Variants in RASSF6 observed in about 807,000 individuals in gnomAD.
RASSF6 encodes the protein Ras association domain family member 6.
A neutral mutation model predicts 44.0 loss-of-function variants in RASSF6; 52 were observed. That is an observed-to-expected ratio of 1.18 (90% confidence interval 0.95 to 1.49). The LOEUF (loss-of-function observed/expected upper bound fraction) is 1.49, where lower values mean the gene tolerates loss of function less well. Ranked by LOEUF, RASSF6 falls within the 40% of genes most tolerant of loss-of-function variation. The pLI is 0.00. For synonymous variants in RASSF6, 162 were observed against 124.6 expected, an observed-to-expected ratio of 1.30 and a Z score of -2.00; for missense variants, 464 against 393.3, an observed-to-expected ratio of 1.18 and a Z score of -1.52.
chr4:73,615,903 G>A, intron 1 of RASSF6: 1 of 1,550,366 alleles, frequency 6.5e-7, no homozygotes, highest in Non-Finnish European at 8.7e-7. Context: ...GTTGCCTTGT[G>A]ACCAGAATGA....
intron 1 of RASSF6, among the ~76,000 whole-genome samples, chr4:73,617,530 A>C (rs1296468968): frequency 6.6e-6 from 1 of 152,204 alleles, no homozygotes; most frequent in Non-Finnish European, 1.5e-5. Flanking sequence ...GGCTGACGTC[A>C]CAAAGATCAC....
At chr4:73,585,410 C>A in intron 5 of RASSF6, 46 bp from the exon 6 acceptor site, 3 of 1,323,200 alleles carry the variant, frequency 2.3e-6, no homozygotes, top group Non-Finnish European at 3.1e-6. Flanking sequence ...CTGCCTGTGT[C>A]CTAGCATCCT....
chr4:73,606,478 T>C (rs554068667), intron 2 of RASSF6, among the ~76,000 whole-genome samples: 1 of 152,272 alleles, frequency 6.6e-6, no homozygotes, highest in South Asian at 2.1e-4. Context: ...TGCCGACTAC[T>C]GGGATGATGG....
chr4:73,608,788 T>C (rs1725817209), intron 2 of RASSF6, among the ~76,000 whole-genome samples: 1 of 152,366 alleles, frequency 6.6e-6, no homozygotes, highest in East Asian at 1.9e-4. Flanking sequence ...GGGCATGCAG[T>C]GTTTGCTCCT....
chr4:73,603,508 T>C (rs1456703958), intron 2 of RASSF6, among the ~76,000 whole-genome samples: 2 of 151,740 alleles, frequency 1.3e-5, no homozygotes, highest in African/African-American at 2.4e-5. Context: ...GCTGAGGGGA[T>C]CCCAGGGTCC....
intron 6 of RASSF6, among the ~76,000 whole-genome samples, chr4:73,583,314 G>A (rs918047597): frequency 2.6e-5 from 4 of 152,108 alleles, no homozygotes; most frequent in African/African-American, 9.7e-5. Flanking sequence ...TAGTGAATTT[G>A]TTTTTCAGAG....
intron 5 of RASSF6, among the ~76,000 whole-genome samples, 163 bp downstream of exon 5, chr4:73,587,677 T>G (rs1009031072): frequency 2.6e-5 from 4 of 151,954 alleles, no homozygotes; most frequent in Non-Finnish European, 5.9e-5. Context: ...TATAGTGACT[T>G]AAGTTACTAT....
chr4:73,572,518 C>G lies in RASSF6; in HGVS notation c.*3717G>C, dbSNP rs1722972521. 1 of 151,950 alleles carries G rather than the reference C, an allele frequency of 6.6e-6. No homozygotes were observed. The highest frequency in any genetic ancestry group is 1.5e-5 in the Non-Finnish European group (1 of 67,996). 9.4% of individuals were successfully genotyped at this position (151,950 alleles called of 1,614,324 possible). ...TAATATTGTACCCCATAAATACATA[C>G]AATTATTATTTGTCAATTAAAAATA... is the stretch of plus-strand genomic sequence containing the variant. On this transcript the variant is annotated 3_prime_UTR_variant, in exon 11 of 11. Transcript: ENST00000307439.
At chr4:73,590,518 A>C (rs1578035312) in intron 4 of RASSF6, among the ~76,000 whole-genome samples, 1 of 152,202 alleles carries the variant, frequency 6.6e-6, no homozygotes, top group African/African-American at 2.4e-5. Context: ...ATTAAAATAG[A>C]TGTTATCTTA....
intron 2 of RASSF6, among the ~76,000 whole-genome samples, chr4:73,607,819 T>A (rs991604091): frequency 1.1e-4 from 17 of 151,464 alleles, no homozygotes; most frequent in South Asian, 6.3e-4. Flanking sequence ...AGCTACCTCC[T>A]CTCCTCTCCT....
At chr4:73,613,170 T>G (rs1729715) in intron 1 of RASSF6, among the ~76,000 whole-genome samples, 150,172 of 152,268 alleles carry the variant, frequency 0.99, 74,080 homozygotes, top group East Asian at 1. Flanking sequence ...CTCAAAGAAT[T>G]GTGCTTCTCT....
intron 1 of RASSF6, among the ~76,000 whole-genome samples, chr4:73,617,986 C>T (rs993497410): frequency 6.6e-6 from 1 of 152,072 alleles, no homozygotes; most frequent in African/African-American, 2.4e-5. Flanking sequence ...GGACTGTCAG[C>T]ATTGGGTTTC....
rs186643995 is a variant in RASSF6, at chr4:73,585,101, T to G, written c.567+79A>C. The G allele has an allele frequency of 1.8e-5, 17 of 967,600 alleles. No individual in the cohort carries two copies. The East Asian group carries it at 4.2e-4, about 24-fold the overall frequency. 59.9% of individuals were successfully genotyped at this position (967,600 alleles called of 1,614,324 possible). Reference sequence around the variant, plus strand: ...CTGTTATTATTATGACTTTAAATTGTGAATTGAATTGGGTGGTATTGTTAG... The same window carrying G: ...CTGTTATTATTATGACTTTAAATTGGGAATTGAATTGGGTGGTATTGTTAG... On this transcript the variant is annotated intron_variant, in intron 6 of 10. Transcript: ENST00000307439.
chr4:73,583,295 G>T (rs1247517047), intron 6 of RASSF6, among the ~76,000 whole-genome samples: 7 of 152,088 alleles, frequency 4.6e-5, no homozygotes. Context: ...CTTCTAAAAT[G>T]TCAACATATA....
At chr4:73,581,652 A>C (rs975898802) in intron 8 of RASSF6, among the ~76,000 whole-genome samples, 165 bp downstream of exon 8, 1 of 152,132 alleles carries the variant, frequency 6.6e-6, no homozygotes, top group Admixed American at 6.6e-5. Context: ...TCTTTCTTTA[A>C]AATTGTGGAC....
Position 73,581,178 on chromosome 4 carries a change from G to C in RASSF6, c.721+639C>G, listed in dbSNP as rs116034466. On this transcript the variant is annotated intron_variant, in intron 8 of 10. Coordinates refer to ENST00000307439, the MANE Select transcript of RASSF6 (RefSeq NM_177532.5). ...TGAACATTCTGACACTTAAATTATA[G>C]CATGAGTTTTTTCTACAAATTGATA... Among the ~76,000 whole-genome samples, 422 of 152,072 alleles carry C rather than the reference G, an allele frequency of 2.8e-3. 2 individuals carry two copies. Among genetic ancestry groups the C allele is most frequent in the African/African-American group, 9.9e-3 (412 of 41,494 alleles).
At chr4:73,612,036 A>T (rs1165811547) in intron 1 of RASSF6, among the ~76,000 whole-genome samples, 1 of 152,202 alleles carries the variant, frequency 6.6e-6, no homozygotes, top group Non-Finnish European at 1.5e-5. Flanking sequence ...ACACGGATGG[A>T]TTGAACAATT....
rs750789200 is a variant in RASSF6, at chr4:73,593,608, A to G, written c.145-15T>C. 5 of 1,609,394 alleles carry G rather than the reference A, an allele frequency of 3.1e-6. No homozygotes were observed. Among genetic ancestry groups the G allele is most frequent in the Non-Finnish European group, 2.5e-6 (3 of 1,177,804 alleles). On this transcript the variant is annotated splice_polypyrimidine_tract_variant and intron_variant, in intron 3 of 10. Transcript: ENST00000307439. ...CCATCTTCAGTCTAAGGAAGAAATG[A>G]ATAATCCCCCAATTGTTTTTGTATT...
intron 3 of RASSF6, among the ~76,000 whole-genome samples, chr4:73,597,502 G>T (rs898361544): frequency 6.6e-6 from 1 of 152,122 alleles, no homozygotes; most frequent in African/African-American, 2.4e-5. Context: ...TGGAGAAAAA[G>T]GAACCCTTAT....
Sources: gnomAD v4.1 joint callset for allele counts (sites outside exome capture counted in the v4.1 genomes callset) on GRCh38, gnomAD v4.1.1 for gene constraint, MANE v1.5 for transcripts, NCBI Gene and HGNC (gene_info 2026-07-23, HGNC 2026-07-21) for gene names.